The following CHL1 variants were observed in gnomAD, a reference collection of about 807,000 sequenced individuals.
CHL1 encodes the protein cell adhesion molecule L1 like.
CHL1 carries 96 observed loss-of-function variants against 141.9 expected under a neutral mutation model. That is an observed-to-expected ratio of 0.68 (90% CI 0.57 to 0.80). The LOEUF is 0.80. CHL1 is among the 30% of genes least tolerant of loss of function. The pLI is 0.00. For synonymous variants in CHL1, 613 were observed against 502.2 expected (o/e 1.22, Z -2.95); for missense variants, 1,820 against 1,457.2 (o/e 1.25, Z -4.05).
At chr3:226,374 T>TTATA (rs56305108) in intron 1 of CHL1, among the ~76,000 whole-genome samples, 98,483 of 144,132 alleles carry the variant, frequency 0.68, 33,913 homozygotes, top group Admixed American at 0.72. Context: ...ATAGAATATT[T>TTATA]TATATATATA....
chr3:266,224 C>T (rs1052919855), intron 2 of CHL1, among the ~76,000 whole-genome samples: 1 of 152,062 alleles, frequency 6.6e-6, no homozygotes, highest in African/African-American at 2.4e-5. Context: ...TCAGCTTAAG[C>T]CTCTGTTCCT....
chr3:208,115 G>A (rs939511495), intron 1 of CHL1, among the ~76,000 whole-genome samples: 2 of 152,138 alleles, frequency 1.3e-5, no homozygotes, highest in African/African-American at 4.8e-5. Context: ...ATGAGCTTCT[G>A]TTTTCCTGTT....
At chr3:373,980 C>A (rs1204676293) in intron 15 of CHL1, 3 of 152,252 alleles carry the variant, frequency 2.0e-5, no homozygotes, top group Admixed American at 2.0e-4. Context: ...AGGATTCACA[C>A]ACTTACTATA....
chr3:280,069 A>T (rs1341386126), intron 2 of CHL1, among the ~76,000 whole-genome samples: 2 of 152,238 alleles, frequency 1.3e-5, no homozygotes, highest in African/African-American at 4.8e-5. Context: ...AATAAAAAGA[A>T]ATAAATATAG....
intron 1 of CHL1, among the ~76,000 whole-genome samples, chr3:206,615 C>A (rs1002349320): frequency 4.0e-5 from 6 of 151,888 alleles, no homozygotes; most frequent in Non-Finnish European, 7.4e-5. Context: ...TCGGGCATGC[C>A]TATAGCCCCA....
chr3:226,975 T>G (rs916753737), intron 1 of CHL1, among the ~76,000 whole-genome samples: 5 of 152,210 alleles, frequency 3.3e-5, no homozygotes, highest in African/African-American at 1.2e-4. Flanking sequence ...CTGAAATGCA[T>G]GGCAGATTAA....
At chr3:240,764 A>T (rs1692480534) in intron 1 of CHL1, among the ~76,000 whole-genome samples, 1 of 124,580 alleles carries the variant, frequency 8.0e-6, no homozygotes, top group Admixed American at 8.8e-5. Context: ...TCTTGAGTTG[A>T]TTTTTGTATA....
intron 2 of CHL1, among the ~76,000 whole-genome samples, chr3:296,146 C>A (rs550852979): frequency 6.6e-6 from 1 of 152,152 alleles, no homozygotes; most frequent in Non-Finnish European, 1.5e-5. Flanking sequence ...GGTGCATCAG[C>A]TGAAACTTCA....
intron 2 of CHL1, among the ~76,000 whole-genome samples, chr3:272,606 T>C (rs762517242): frequency 3.3e-5 from 5 of 152,252 alleles, no homozygotes; most frequent in Non-Finnish European, 7.3e-5. Context: ...AAGGGAATTT[T>C]AGATCTTACA....
intron 5 of CHL1, among the ~76,000 whole-genome samples, chr3:338,605 A>C (rs1273779013): frequency 6.6e-6 from 1 of 152,220 alleles, no homozygotes; most frequent in African/African-American, 2.4e-5. Context: ...AAATTCCTGA[A>C]AAATTAATGC....
At position 320,061 on chromosome 3, in the gene CHL1, G is replaced by T. The variant is rs542466532; in HGVS notation, c.91+194G>T. 2.6e-5 allele frequency among the ~76,000 whole-genome samples: 4 copies of T among 151,892 alleles called. No individual in the cohort carries two copies. In the East Asian group the frequency reaches 7.8e-4, roughly 30 times the overall value. The stretch of plus-strand genomic sequence containing the variant: ...GATACATGACTGCTGTAATTATTTT[G>T]CAACCCAGGCTTTTAGTTCCTTATG... On this transcript the variant is annotated intron_variant, in intron 3 of 27. Transcript: ENST00000256509.
intron 10 of CHL1, among the ~76,000 whole-genome samples, chr3:349,905 A>G (rs529432829): frequency 1.3e-5 from 2 of 152,354 alleles, no homozygotes; most frequent in South Asian, 4.1e-4. Flanking sequence ...GATGAAAGGA[A>G]GTATTAAAAT....
chr3:343,717 T>G (rs934041204), intron 8 of CHL1, among the ~76,000 whole-genome samples: 2 of 152,114 alleles, frequency 1.3e-5, no homozygotes, highest in Admixed American at 6.6e-5. Flanking sequence ...TACTTGCAAG[T>G]TCAGTGGAGG....
At chr3:380,813 T>C (rs1231138324) in intron 16 of CHL1, among the ~76,000 whole-genome samples, 1 of 152,226 alleles carries the variant, frequency 6.6e-6, no homozygotes, top group Non-Finnish European at 1.5e-5. Context: ...TGCTTTAATA[T>C]AATAATTATA....
At chr3:354,547 C>T (rs1038210565) in intron 10 of CHL1, 93 bp from the exon 11 acceptor site, 1 of 1,416,952 alleles carries the variant, frequency 7.1e-7, no homozygotes, top group Non-Finnish European at 9.5e-7. Context: ...GGTGTCTGCC[C>T]TCTGCTGGTG....
At chr3:345,917 A>G (rs1702731754) in intron 9 of CHL1, among the ~76,000 whole-genome samples, 1 of 152,182 alleles carries the variant, frequency 6.6e-6, no homozygotes, top group Admixed American at 6.5e-5. Flanking sequence ...TTAATCATAC[A>G]GGGTCTCCTA....
intron 2 of CHL1, among the ~76,000 whole-genome samples, chr3:306,274 A>G (rs1169343199): frequency 6.6e-6 from 1 of 152,174 alleles, no homozygotes; most frequent in Non-Finnish European, 1.5e-5. Flanking sequence ...ATGTGTCTTA[A>G]GTATCTGGAA....
chr3:306,666 G>A (rs1188578392), intron 2 of CHL1, among the ~76,000 whole-genome samples: 1 of 151,902 alleles, frequency 6.6e-6, no homozygotes, highest in Non-Finnish European at 1.5e-5. Context: ...ATTTGTCTCA[G>A]AGAATGGAAA....
At chr3:220,569 C>T (rs1167952110) in intron 1 of CHL1, among the ~76,000 whole-genome samples, 2 of 151,958 alleles carry the variant, frequency 1.3e-5, no homozygotes, top group African/African-American at 2.4e-5. Context: ...TGTCATGCCA[C>T]CACAGATATC....
Sources: gnomAD v4.1 joint callset for allele counts (sites outside exome capture counted in the v4.1 genomes callset) on GRCh38, gnomAD v4.1.1 for gene constraint, MANE v1.5 for transcripts, NCBI Gene and HGNC (gene_info 2026-07-23, HGNC 2026-07-21) for gene names.